PARP4: variants seen among roughly 807,000 people sequenced by gnomAD.
The protein encoded by PARP4 is protein mono-ADP-ribosyltransferase PARP4.
PARP4 carries 120 observed loss-of-function variants against 187.7 expected under a neutral mutation model. The observed-to-expected ratio is 0.64, with a 90% CI of 0.55 to 0.74. The LOEUF is 0.74. Among genes scored for constraint, PARP4 ranks in the 30% least tolerant of loss-of-function variants. The probability of loss-of-function intolerance (pLI) is 0.00; values close to 1 mark genes in which losing one functional copy is unlikely to be tolerated. For missense variants in PARP4, 1,836 were observed against 2,070.5 expected, an observed-to-expected ratio of 0.89 and a Z score of 2.20; for synonymous variants, 654 against 740.9, an observed-to-expected ratio of 0.88 and a Z score of 1.90.
At position 24,435,347 on chromosome 13, in the gene PARP4, C is replaced by G. The variant is rs1050110; in HGVS notation, c.3794G>C (p.Gly1265Ala). Residue 1265 changes from glycine to alanine, a missense_variant, in exon 31 of 34, where the codon GGC becomes GCC. Physicochemically the swap from Gly to Ala is moderately conservative, Grantham distance 60. Around this residue, in one of 8 missense-constraint regions of PARP4, gnomAD observed 450 missense variants for 439.2 expected, o/e 1.02. Coordinates refer to ENST00000381989, the MANE Select transcript of PARP4 (RefSeq NM_006437.4). ...TGTGAAAGCTGGTAGTACACCTAAG[C>G]CATCCTCTTCAAAATCTTCAGAAAC... ...PEVSEDFEED[G>A]LGVLPAFTSN... is the part of the protein sequence containing the mutation. 0.37 allele frequency: 595,713 copies of G among 1,610,728 alleles called. 111,484 individuals carry two copies. The highest frequency in any genetic ancestry group is 0.47 in the African/African-American group (34,941 of 74,844).
intron 20 of PARP4, among the ~76,000 whole-genome samples, chr13:24,457,257 A>C (rs892399730): frequency 6.6e-6 from 1 of 152,230 alleles, no homozygotes; most frequent in African/African-American, 2.4e-5. Flanking sequence ...CATGTGCTAG[A>C]GTGTCACATG....
chr13:24,495,972 G>A (rs1210759849), intron 6 of PARP4, among the ~76,000 whole-genome samples: 3 of 152,140 alleles, frequency 2.0e-5, no homozygotes, highest in East Asian at 1.9e-4. Context: ...TCACCCAGGG[G>A]TGCTCTACAC....
At chr13:24,478,743 T>C (rs886446966) in intron 12 of PARP4, among the ~76,000 whole-genome samples, 1 of 152,202 alleles carries the variant, frequency 6.6e-6, no homozygotes, top group African/African-American at 2.4e-5. Context: ...CTATTTCGCA[T>C]TTCTATGTGA....
At chr13:24,474,220 G>A (rs1834841062) in intron 15 of PARP4, among the ~76,000 whole-genome samples, 4 of 152,060 alleles carry the variant, frequency 2.6e-5, no homozygotes, top group Admixed American at 2.0e-4. Context: ...AAATCTGATT[G>A]GCTCTGCTCT....
At chr13:24,481,827 G>T (rs771499668) in intron 12 of PARP4, among the ~76,000 whole-genome samples, 12 of 152,164 alleles carry the variant, frequency 7.9e-5, no homozygotes, top group Non-Finnish European at 1.8e-4. Context: ...GCATCTTACT[G>T]TACTCTCACC....
chr13:24,426,617 CGT>C lies in PARP4; in HGVS notation c.4847-21_4847-20del. On this transcript the variant is annotated intron_variant, in intron 32 of 33. Transcript: ENST00000381989. ...TTTACACCTAAAAGGAAAAAAACTCCGTTAAGTCTGTTGGAAACTCTGCATCT... is the reference window on the plus strand; with the variant it reads ...TTTACACCTAAAAGGAAAAAAACTCCTAAGTCTGTTGGAAACTCTGCATCT... The C allele has an allele frequency of 6.2e-7, 1 of 1,604,522 alleles. No homozygotes were observed. Among genetic ancestry groups the C allele is most frequent in the Non-Finnish European group, 8.5e-7 (1 of 1,176,060 alleles).
chr13:24,475,538 G>A lies in PARP4; in HGVS notation c.1848C>T (p.Ala616=), dbSNP rs73463182. 146,286 of 1,613,606 alleles carry A rather than the reference G, an allele frequency of 0.091. 8,690 individuals carry two copies. The highest frequency in any genetic ancestry group is 0.28 in the East Asian group (12,553 of 44,860). ...CCTCCAGAGGAACCAAGTTCCCAGA[G>A]GCATCCTGGAGGCCGGCCTTGGTGC... ...SSSTKAGLQD[A]SGNLVPLEDV... Residue 616 remains alanine (A), a synonymous_variant, in exon 15 of 34, where the codon GCC becomes GCT. Coordinates refer to ENST00000381989, the MANE Select transcript of PARP4 (RefSeq NM_006437.4).
chr13:24,431,617 C>T (rs1006815768), intron 31 of PARP4, 141 bp from the exon 32 acceptor site: 2 of 633,046 alleles, frequency 3.2e-6, no homozygotes, highest in African/African-American at 3.8e-5. Flanking sequence ...GAAGCCCAAA[C>T]CTCAGCACCA....
chr13:24,451,390 G>A (rs1233499105), intron 24 of PARP4, among the ~76,000 whole-genome samples: 1 of 152,216 alleles, frequency 6.6e-6, no homozygotes, highest in African/African-American at 2.4e-5. Context: ...GCCAGGAGCT[G>A]TGACAGTGGA....
chr13:24,472,572 A>G (rs984859003), intron 15 of PARP4, among the ~76,000 whole-genome samples: 1 of 152,194 alleles, frequency 6.6e-6, no homozygotes, highest in African/African-American at 2.4e-5. Flanking sequence ...CAATCTTCAG[A>G]GTCAGAAGCT....
At chr13:24,483,095 C>T (rs1304099692) in intron 12 of PARP4, among the ~76,000 whole-genome samples, 2 of 152,024 alleles carry the variant, frequency 1.3e-5, no homozygotes, top group African/African-American at 2.4e-5. Context: ...TCATACCTCA[C>T]TGTGGCCTTG....
At chr13:24,493,266 G>A (rs561298838) in intron 8 of PARP4, among the ~76,000 whole-genome samples, 1 of 152,336 alleles carries the variant, frequency 6.6e-6, no homozygotes, top group African/African-American at 2.4e-5. Context: ...TAAGGCATCT[G>A]ACTGGGGACC....
chr13:24,492,328 A>G (rs1868700750), intron 9 of PARP4, 93 bp downstream of exon 9: 4 of 824,666 alleles, frequency 4.9e-6, no homozygotes, highest in Non-Finnish European at 7.4e-6. Flanking sequence ...AGACAATTTC[A>G]TGATTCAGTG....
intron 5 of PARP4, among the ~76,000 whole-genome samples, 158 bp downstream of exon 5, chr13:24,499,143 T>C (rs1220693264): frequency 6.6e-6 from 1 of 151,788 alleles, no homozygotes; most frequent in Non-Finnish European, 1.5e-5. Flanking sequence ...AATAAATATA[T>C]AAATAAAATT....
Position 24,487,062 on chromosome 13 carries a change from C to T in PARP4, c.1215-757G>A, listed in dbSNP as rs1478009587. ...GGATCATGAGGTCAGGAGATCAAGACCATCCTAGCCAACATGGTGAAACCT... is the reference window on the plus strand; with the variant it reads ...GGATCATGAGGTCAGGAGATCAAGATCATCCTAGCCAACATGGTGAAACCT... On this transcript the variant is annotated intron_variant, in intron 10 of 33. Transcript: ENST00000381989. Among the ~76,000 whole-genome samples, 4 of 150,592 alleles carry T rather than the reference C, an allele frequency of 2.7e-5. No homozygotes were observed. In the East Asian group the frequency reaches 7.8e-4, roughly 30 times the overall value.
Position 24,434,690 on chromosome 13 carries a change from G to C in PARP4, c.4451C>G (p.Pro1484Arg). The C allele has an allele frequency of 6.2e-7, 1 of 1,614,144 alleles. No individual in the cohort carries two copies. The highest frequency in any genetic ancestry group is 8.5e-7 in the Non-Finnish European group (1 of 1,180,034). Residue 1484 changes from proline to arginine, a missense_variant, in exon 31 of 34, where the codon CCT becomes CGT. Pro to Arg is a moderately radical substitution (Grantham distance 103). Around this residue, in one of 8 missense-constraint regions of PARP4, gnomAD observed 450 missense variants for 439.2 expected, o/e 1.02. Coordinates refer to ENST00000381989, the MANE Select transcript of PARP4 (RefSeq NM_006437.4). ...NLRLPMASAL[P>R]EALCSQSRTT... ...CCGGGACTGACTGCAAAGAGCCTCA[G>C]GTAAAGCAGAGGCCATTGGCAGCCT...
In PARP4 at chr13:24,435,175, G is replaced by T. The variant is rs747655325; in HGVS notation, c.3966C>A (p.Ala1322=). ...CAGTCGGGGGAAGATAGGAACCAAC[G>T]GCCGGAGCCAAAATAGGAAAAAAGC... ...TSSFFPILAP[A]VGSYLPPTAR... The change falls in exon 31 of 34, where the codon GCC becomes GCA. Residue 1322 remains alanine (A), a synonymous_variant. Transcript: ENST00000381989. 2 of 1,614,048 alleles carry T rather than the reference G, an allele frequency of 1.2e-6. No homozygotes were observed. The highest frequency in any genetic ancestry group is 2.7e-5 in the African/African-American group (2 of 74,922).
At chr13:24,490,646 G>A (rs767924066) in intron 10 of PARP4, 22 bp downstream of exon 10, 17 of 1,582,608 alleles carry the variant, frequency 1.1e-5, no homozygotes, top group Admixed American at 3.4e-5. Flanking sequence ...AACAGATCCT[G>A]AGATATTTCC....
At chr13:24,512,274 C>G (rs1870055429) in intron 1 of PARP4, among the ~76,000 whole-genome samples, 2 of 152,316 alleles carry the variant, frequency 1.3e-5, no homozygotes, top group South Asian at 2.1e-4. Flanking sequence ...CAATGACTCA[C>G]GAGGTCAGAT....
Sources: allele counts gnomAD v4.1 joint callset (sites outside exome capture counted in the v4.1 genomes callset), GRCh38; gene constraint gnomAD v4.1.1; regional missense constraint gnomAD v4.1.1; transcripts MANE v1.5; gene names NCBI Gene and HGNC (gene_info 2026-07-23, HGNC 2026-07-21).